NSUN6: variants seen among roughly 807,000 people sequenced by gnomAD.
The protein encoded by NSUN6 is NOP2/Sun RNA methyltransferase 6.
NSUN6 carries 64 observed loss-of-function variants against 58.0 expected under a neutral mutation model. The observed-to-expected ratio is 1.10, with a 90% CI of 0.90 to 1.36. NSUN6 has a LOEUF of 1.36. NSUN6 is among the 40% of genes most tolerant of loss of function. The pLI is 0.00. For synonymous variants in NSUN6, 231 were observed against 193.9 expected, an observed-to-expected ratio of 1.19 and a Z score of -1.59; for missense variants, 701 against 550.1, an observed-to-expected ratio of 1.27 and a Z score of -2.74.
At chr10:18,573,426 C>T (rs2056491098) in intron 8 of NSUN6, among the ~76,000 whole-genome samples, 1 of 151,206 alleles carries the variant, frequency 6.6e-6, no homozygotes, top group African/African-American at 2.4e-5. Flanking sequence ...TTCCATTTTC[C>T]TTTCCATTCC....
intron 9 of NSUN6, among the ~76,000 whole-genome samples, chr10:18,550,183 A>G (rs1396933228): frequency 6.6e-6 from 1 of 152,216 alleles, no homozygotes; most frequent in Non-Finnish European, 1.5e-5. Context: ...GTGACCTAAT[A>G]AGAACAGAAA....
At chr10:18,632,276 A>G (rs939603060) in intron 3 of NSUN6, among the ~76,000 whole-genome samples, 1 of 149,656 alleles carries the variant, frequency 6.7e-6, no homozygotes, top group Non-Finnish European at 1.5e-5. Flanking sequence ...AAAGACTTAA[A>G]CGTTAGACCT....
chr10:18,560,657 T>C (rs1328498328), intron 8 of NSUN6, among the ~76,000 whole-genome samples: 1 of 114,082 alleles, frequency 8.8e-6, no homozygotes, highest in Non-Finnish European at 1.7e-5. Flanking sequence ...GAGAATGGAA[T>C]GGAGAATGGA....
chr10:18,588,362 C>G (rs994080722), intron 7 of NSUN6, among the ~76,000 whole-genome samples: 2 of 152,196 alleles, frequency 1.3e-5, no homozygotes, highest in Non-Finnish European at 2.9e-5. Context: ...ATCTTTCCAG[C>G]CTGCGGGCTC....
intron 6 of NSUN6, among the ~76,000 whole-genome samples, chr10:18,602,890 G>A (rs2057902054): frequency 6.6e-6 from 1 of 152,174 alleles, no homozygotes; most frequent in African/African-American, 2.4e-5. Flanking sequence ...GCTACAAGTG[G>A]TAAGTCAAAG....
intron 8 of NSUN6, among the ~76,000 whole-genome samples, chr10:18,569,858 G>T (rs1305451740): frequency 8.2e-6 from 1 of 121,636 alleles, no homozygotes; most frequent in Admixed American, 8.2e-5. Flanking sequence ...ATCCCATTCC[G>T]CATTCCATTC....
At chr10:18,552,825 C>A (rs1216406741) in intron 8 of NSUN6, among the ~76,000 whole-genome samples, 2 of 151,484 alleles carry the variant, frequency 1.3e-5, no homozygotes, top group Non-Finnish European at 2.9e-5. Context: ...CAATTCCATG[C>A]TCCATTACAT....
Position 18,585,937 on chromosome 10 carries a change from A to C in NSUN6, c.922+12T>G, listed in dbSNP as rs748681541. The C allele has an allele frequency of 2.5e-6, 4 of 1,579,220 alleles. No homozygotes were observed. The highest frequency in any genetic ancestry group is 1.7e-4 in the Middle Eastern group (1 of 5,896). ...TCTGTCAATTAAAAATAAGAAAATC[A>C]AAATAGCTCACCTTCTGTGTCCTCC... is the stretch of plus-strand genomic sequence containing the variant. On this transcript the variant is annotated intron_variant, in intron 8 of 10. Transcript: ENST00000377304.
At chr10:18,597,416 A>T (rs1230883438) in intron 6 of NSUN6, among the ~76,000 whole-genome samples, 2 of 151,960 alleles carry the variant, frequency 1.3e-5, no homozygotes, top group East Asian at 1.9e-4. Context: ...CTTAAAGCTT[A>T]AAGGTTTCAA....
intron 8 of NSUN6, among the ~76,000 whole-genome samples, chr10:18,574,499 C>G (rs532751912): frequency 1.9e-4 from 29 of 152,214 alleles, no homozygotes; most frequent in South Asian, 4.2e-4. Context: ...AGAAGAAACT[C>G]CCTTCCAGAC....
intron 2 of NSUN6, among the ~76,000 whole-genome samples, chr10:18,643,377 G>A (rs10829070): frequency 0.35 from 53,084 of 151,280 alleles, 9,796 homozygotes; most frequent in East Asian, 0.74. Context: ...AGTCTGCCTC[G>A]TAGGTTAGGG....
intron 3 of NSUN6, among the ~76,000 whole-genome samples, chr10:18,617,038 C>A (rs920461177): frequency 6.6e-6 from 1 of 152,140 alleles, no homozygotes; most frequent in African/African-American, 2.4e-5. Flanking sequence ...ATTGCTCATT[C>A]TCTGCCTACT....
At chr10:18,637,250 A>G (rs986814430) in intron 3 of NSUN6, among the ~76,000 whole-genome samples, 71 of 152,282 alleles carry the variant, frequency 4.7e-4, no homozygotes, top group African/African-American at 1.7e-3. Flanking sequence ...GGCGTGAGCC[A>G]CCACGCCCGG....
intron 8 of NSUN6, among the ~76,000 whole-genome samples, chr10:18,577,928 C>G (rs552558211): frequency 4.6e-5 from 7 of 152,328 alleles, no homozygotes; most frequent in Admixed American, 3.9e-4. Context: ...GACACAGCAG[C>G]AGGAGCCATA....
intron 7 of NSUN6, among the ~76,000 whole-genome samples, chr10:18,594,457 G>GTT (rs1421522351): frequency 1.4e-5 from 2 of 146,482 alleles, no homozygotes; most frequent in African/African-American, 5.0e-5. Flanking sequence ...GTTGTTTTTT[G>GTT]TTTTTTTTTG....
chr10:18,569,982 A>G (rs1213559821), intron 8 of NSUN6, among the ~76,000 whole-genome samples: 2 of 144,622 alleles, frequency 1.4e-5, no homozygotes, highest in African/African-American at 5.2e-5. Context: ...TCCCCATTCC[A>G]TTCTCAATTC....
intron 6 of NSUN6, among the ~76,000 whole-genome samples, chr10:18,600,812 C>T (rs372432579): frequency 1.3e-5 from 2 of 149,958 alleles, no homozygotes; most frequent in East Asian, 2.0e-4. Context: ...CCTGTAAGCA[C>T]AGCTACTTAG....
chr10:18,571,200 T>C (rs899657561), intron 8 of NSUN6, among the ~76,000 whole-genome samples: 1 of 150,900 alleles, frequency 6.6e-6, no homozygotes, highest in Non-Finnish European at 1.5e-5. Flanking sequence ...CCTTCCATTC[T>C]CTTCCATTCT....
chr10:18,566,281 CT>C (rs2055933960), intron 8 of NSUN6, among the ~76,000 whole-genome samples: 1 of 133,998 alleles, frequency 7.5e-6, no homozygotes, highest in Non-Finnish European at 1.8e-5. Flanking sequence ...CCATTCCATT[CT>C]CCATCCCATT....
Sources: allele counts gnomAD v4.1 joint callset (sites outside exome capture counted in the v4.1 genomes callset), GRCh38; gene constraint gnomAD v4.1.1; transcripts MANE v1.5; gene names NCBI Gene and HGNC (gene_info 2026-07-23, HGNC 2026-07-21).